The following PRRX2 variants were observed in gnomAD, a reference collection of about 807,000 sequenced individuals.
The protein encoded by PRRX2 is paired related homeobox 2.
PRRX2 carries 11 observed loss-of-function variants against 18.0 expected under a neutral mutation model. The observed-to-expected ratio is 0.61, with a 90% CI of 0.39 to 1.01. The LOEUF (loss-of-function observed/expected upper bound fraction) is 1.01. Among genes scored for constraint, PRRX2 ranks in the 50% least tolerant of loss-of-function variants. The pLI is 0.01. For synonymous variants in PRRX2, 177 were observed against 154.8 expected (o/e 1.14, Z -1.06); for missense variants, 387 against 351.0 (o/e 1.10, Z -0.82).
At chr9:129,673,689 C>A (rs567121555) in intron 1 of PRRX2, among the ~76,000 whole-genome samples, 2 of 152,102 alleles carry the variant, frequency 1.3e-5, no homozygotes, top group Non-Finnish European at 2.9e-5. Context: ...GGCACACACA[C>A]GCCCCTCATC....
At chr9:129,707,507 C>T (rs903995128) in intron 1 of PRRX2, among the ~76,000 whole-genome samples, 2 of 152,036 alleles carry the variant, frequency 1.3e-5, no homozygotes, top group East Asian at 1.9e-4. Context: ...CTGCTATGGC[C>T]GGGCGCGGTG....
intron 1 of PRRX2, among the ~76,000 whole-genome samples, chr9:129,689,953 G>T (rs1422680437): frequency 1.3e-5 from 2 of 151,508 alleles, no homozygotes; most frequent in Non-Finnish European, 2.9e-5. Flanking sequence ...GGGTTTCACC[G>T]TGTTGGCCAG....
intron 1 of PRRX2, among the ~76,000 whole-genome samples, chr9:129,670,597 A>G (rs1410999500): frequency 6.6e-6 from 1 of 150,850 alleles, no homozygotes; most frequent in Non-Finnish European, 1.5e-5. Flanking sequence ...CTGGTCTTGA[A>G]CTCCTGACCT....
In PRRX2 at chr9:129,688,557, A is replaced by G. The variant is rs140313270; in HGVS notation, c.259+22431A>G. Among the ~76,000 whole-genome samples the G allele has an allele frequency of 1.6e-4, 25 of 152,310 alleles. No individual in the cohort carries two copies. In the East Asian group the frequency reaches 4.8e-3, roughly 29 times the overall value. On this transcript the variant is annotated intron_variant, in intron 1 of 3. Transcript: ENST00000372469. ...TGACCTCACGTTTCTCCCAAGAAGC[A>G]TCATCCACGTCAGGACAAGGTCTCT...
intron 1 of PRRX2, chr9:129,713,176 G>T (rs367596209): frequency 1.3e-5 from 2 of 152,400 alleles, no homozygotes; most frequent in African/African-American, 4.8e-5. Flanking sequence ...CACGGCAGGG[G>T]TGCAGCCCCA....
chr9:129,720,473 CTG>C (rs1832774931), intron 2 of PRRX2, 121 bp from the exon 3 acceptor site: 8 of 893,390 alleles, frequency 9.0e-6, no homozygotes, highest in South Asian at 7.6e-5. Flanking sequence ...GATGAAAAAA[CTG>C]AGGGTCAGAG....
intron 1 of PRRX2, among the ~76,000 whole-genome samples, chr9:129,701,906 C>T (rs1034688296): frequency 4.2e-4 from 64 of 152,110 alleles, no homozygotes; most frequent in African/African-American, 1.5e-3. Context: ...GGAGACCAGC[C>T]TGGCCAACAT....
chr9:129,700,329 T>C (rs182658098), intron 1 of PRRX2, among the ~76,000 whole-genome samples: 41 of 147,210 alleles, frequency 2.8e-4, no homozygotes, highest in Admixed American at 1.0e-3. Context: ...TTTTGGTTTG[T>C]TGTTGTTGTT....
At chr9:129,692,781 G>A (rs1485591664) in intron 1 of PRRX2, among the ~76,000 whole-genome samples, 1 of 152,156 alleles carries the variant, frequency 6.6e-6, no homozygotes, top group East Asian at 1.9e-4. Context: ...ATGTAGCACA[G>A]TTTATCCATT....
chr9:129,713,244 C>A (rs895470073), intron 1 of PRRX2: 1 of 152,302 alleles, frequency 6.6e-6, no homozygotes, highest in African/African-American at 2.4e-5. Context: ...AGGTCCTTGT[C>A]TTCTCATACA....
intron 1 of PRRX2, among the ~76,000 whole-genome samples, chr9:129,716,483 C>T (rs1264271886): frequency 6.8e-6 from 1 of 146,778 alleles, no homozygotes; most frequent in Non-Finnish European, 1.5e-5. Context: ...AGACAAGAGT[C>T]TCACTCTGTC....
intron 1 of PRRX2, among the ~76,000 whole-genome samples, chr9:129,674,932 G>A (rs1393457021): frequency 6.6e-6 from 1 of 152,118 alleles, no homozygotes; most frequent in African/African-American, 2.4e-5. Flanking sequence ...CTGACCCACC[G>A]GATCGGACTC....
intron 1 of PRRX2, among the ~76,000 whole-genome samples, chr9:129,707,545 G>A (rs1433588268): frequency 5.3e-5 from 8 of 151,940 alleles, no homozygotes; most frequent in Admixed American, 6.6e-5. Flanking sequence ...CAGTACTTTG[G>A]GAGGCCAAGG....
At chr9:129,670,935 G>C (rs1166765335) in intron 1 of PRRX2, among the ~76,000 whole-genome samples, 1 of 152,180 alleles carries the variant, frequency 6.6e-6, no homozygotes, top group African/African-American at 2.4e-5. Context: ...GCATTCTTTG[G>C]GGTGCTGGGA....
In PRRX2 at chr9:129,665,876, C is replaced by A. The variant is rs938263042; in HGVS notation, c.9C>A (p.Ser3Arg). The A allele has an allele frequency of 1.7e-4, 183 of 1,067,092 alleles. 1 individual carries two copies. Among genetic ancestry groups the A allele is most frequent in the Middle Eastern group, 8.7e-4 (2 of 2,286 alleles). The allele number at this position is 1,067,092 out of a possible 1,614,324, so 66.1% of individuals were successfully genotyped here. A position where few individuals can be genotyped will look rare whatever the true frequency, so the allele number is the denominator to read the frequency against. MD[S>R]AAAAFALDKP... ...CGGGGCCGCTCGCGGGCATGGACAG[C>A]GCGGCCGCCGCCTTCGCCCTGGACA... The change falls in exon 1 of 4, where the codon AGC becomes AGA. Residue 3 changes from serine (S) to arginine (R), a missense_variant. Transcript: ENST00000372469. The surrounding 1 kb of genome is among the most constrained non-coding windows in gnomAD (Gnocchi z 5.3).
intron 1 of PRRX2, among the ~76,000 whole-genome samples, chr9:129,701,009 AT>A (rs1328655055): frequency 1.1e-4 from 16 of 152,214 alleles, no homozygotes; most frequent in African/African-American, 3.9e-4. Context: ...GGAAGAACTT[AT>A]GTGAAGGATT....
intron 1 of PRRX2, among the ~76,000 whole-genome samples, chr9:129,670,716 C>T (rs888247533): frequency 1.4e-4 from 21 of 152,168 alleles, no homozygotes; most frequent in East Asian, 1.9e-4. Context: ...CTGTTTTCCA[C>T]GGCTAACTTC....
At chr9:129,697,620 C>T (rs1409949156) in intron 1 of PRRX2, among the ~76,000 whole-genome samples, 2 of 151,850 alleles carry the variant, frequency 1.3e-5, no homozygotes, top group East Asian at 1.9e-4. Context: ...GATTTCGGAC[C>T]GACCCCAGAC....
chr9:129,685,426 G>A (rs768833541), intron 1 of PRRX2, among the ~76,000 whole-genome samples: 1 of 152,116 alleles, frequency 6.6e-6, no homozygotes, highest in Non-Finnish European at 1.5e-5. Context: ...GAGTGCAGTG[G>A]CACAATCACA....
Sources: gnomAD v4.1 joint callset for allele counts (sites outside exome capture counted in the v4.1 genomes callset) on GRCh38, gnomAD v4.1.1 for gene constraint, Gnocchi (gnomAD v3.1) non-coding constraint, MANE v1.5 for transcripts, NCBI Gene and HGNC (gene_info 2026-07-23, HGNC 2026-07-21) for gene names.